The following TNFRSF10B variants were observed in gnomAD, a reference collection of about 807,000 sequenced individuals.
TNFRSF10B encodes the protein tumor necrosis factor receptor superfamily member 10B.
A neutral mutation model predicts 41.4 loss-of-function variants in TNFRSF10B; 35 were observed. The observed-to-expected ratio is 0.85, with a 90% CI of 0.65 to 1.12. TNFRSF10B has a LOEUF of 1.12. Among genes scored for constraint, TNFRSF10B ranks in the 50% most tolerant of loss-of-function variants. The pLI, the probability that TNFRSF10B is intolerant of heterozygous loss-of-function variation, is 0.00. For missense variants in TNFRSF10B, 584 were observed against 552.7 expected, an observed-to-expected ratio of 1.06 and a Z score of -0.57; for synonymous variants, 230 against 215.5, an observed-to-expected ratio of 1.07 and a Z score of -0.59.
At chr8:23,048,589 G>A (rs1199313418) in intron 1 of TNFRSF10B, among the ~76,000 whole-genome samples, 1 of 152,132 alleles carries the variant, frequency 6.6e-6, no homozygotes. Flanking sequence ...CTGTTGCACA[G>A]TGCAATGAAT....
intron 1 of TNFRSF10B, among the ~76,000 whole-genome samples, chr8:23,067,942 C>T (rs1337961908): frequency 6.6e-6 from 1 of 152,210 alleles, no homozygotes; most frequent in East Asian, 1.9e-4. Flanking sequence ...CAGTTCCAGG[C>T]GCTGAGCACA....
Position 23,024,190 on chromosome 8 carries a change from T to G in TNFRSF10B, c.1007A>C (p.Glu336Ala), listed in dbSNP as rs768805737. The change falls in exon 8 of 9, where the codon GAG becomes GCG. Residue 336 changes from glutamate to alanine, a missense_variant and splice_region_variant. Physicochemically the swap from Glu to Ala is moderately radical, Grantham distance 107. Coordinates refer to ENST00000276431, the MANE Select transcript of TNFRSF10B (RefSeq NM_003842.5). ...ATCTCCAGGAGCAAAACACTTACTC[T>G]CAGTGGGATCACCTTCATTTGCTGG... ...LVPANEGDPT[E>A]TLRQCFDDFA... 5.6e-6 allele frequency: 9 copies of G among 1,613,996 alleles called. No individual in the cohort carries two copies. The highest frequency in any genetic ancestry group is 7.6e-6 in the Non-Finnish European group (9 of 1,180,004).
chr8:23,041,080 A>T (rs534152361), intron 2 of TNFRSF10B, among the ~76,000 whole-genome samples: 1 of 149,370 alleles, frequency 6.7e-6, no homozygotes, highest in Non-Finnish European at 1.5e-5. Flanking sequence ...TTTTTTTGAG[A>T]CAGGGTCTCA....
rs750966790 is a variant in TNFRSF10B, at chr8:23,020,161, G to A, written c.*2510C>T. The A allele has an allele frequency of 2.9e-5, 12 of 408,964 alleles. No individual in the cohort carries two copies. The highest frequency in any genetic ancestry group is 2.8e-5 in the Admixed American group (1 of 35,528). The allele number at this position is 408,964 out of a possible 1,614,324, so 25.3% of individuals were successfully genotyped here. ...TTATATAAGGTTTCATATTTAATTTGGTCATGGATTCATAAATACATAAGT... is the reference window on the plus strand; with the variant it reads ...TTATATAAGGTTTCATATTTAATTTAGTCATGGATTCATAAATACATAAGT... On this transcript the variant is annotated 3_prime_UTR_variant, in exon 9 of 9. Coordinates refer to ENST00000276431, the MANE Select transcript of TNFRSF10B (RefSeq NM_003842.5).
intron 1 of TNFRSF10B, among the ~76,000 whole-genome samples, chr8:23,043,698 A>G (rs1445279717): frequency 6.6e-6 from 1 of 152,254 alleles, no homozygotes; most frequent in Non-Finnish European, 1.5e-5. Flanking sequence ...ATTGGGATAC[A>G]GGATCAAACA....
At chr8:23,036,125 G>T (rs1812023887) in intron 2 of TNFRSF10B, among the ~76,000 whole-genome samples, 1 of 152,186 alleles carries the variant, frequency 6.6e-6, no homozygotes, top group African/African-American at 2.4e-5. Flanking sequence ...CTCTTGGCTT[G>T]TTTCTGGGCC....
At chr8:23,047,536 C>T in intron 1 of TNFRSF10B, among the ~76,000 whole-genome samples, 1 of 151,048 alleles carries the variant, frequency 6.6e-6, no homozygotes, top group South Asian at 2.1e-4. Flanking sequence ...ACAAAATGGG[C>T]AAGGGACCTG....
intron 1 of TNFRSF10B, among the ~76,000 whole-genome samples, chr8:23,066,235 A>G (rs1812975550): frequency 6.6e-6 from 1 of 152,210 alleles, no homozygotes; most frequent in Non-Finnish European, 1.5e-5. Flanking sequence ...GTGAACTCTG[A>G]CTGTGCCACT....
rs558587861 is a variant in TNFRSF10B at position 23,068,988 on chromosome 8, A to T, written c.-94T>A. 5.7e-5 allele frequency: 91 copies of T among 1,596,602 alleles called. 2 individuals carry two copies. The East Asian group carries it at 2.0e-3, about 36-fold the overall frequency. ...GTCGGTGTATTTTGTGGGCGCAGAGATTGCGGGGTTCTCCGGCCGCGTGCT... is the reference window on the plus strand; with the variant it reads ...GTCGGTGTATTTTGTGGGCGCAGAGTTTGCGGGGTTCTCCGGCCGCGTGCT... On this transcript the variant is annotated 5_prime_UTR_variant, in exon 1 of 9. Coordinates refer to ENST00000276431, the MANE Select transcript of TNFRSF10B (RefSeq NM_003842.5).
At chr8:23,054,918 C>T (rs1396259973) in intron 1 of TNFRSF10B, among the ~76,000 whole-genome samples, 3 of 152,006 alleles carry the variant, frequency 2.0e-5, no homozygotes, top group Non-Finnish European at 4.4e-5. Flanking sequence ...GTAATTAGGC[C>T]AAGTATAATA....
At chr8:23,030,398 G>A (rs889356190) in intron 3 of TNFRSF10B, among the ~76,000 whole-genome samples, 10 of 151,990 alleles carry the variant, frequency 6.6e-5, no homozygotes, top group African/African-American at 9.7e-5. Context: ...CTGCAACCTC[G>A]GCCTCCTGGG....
chr8:23,047,191 C>G (rs112325235), intron 1 of TNFRSF10B, among the ~76,000 whole-genome samples: 10,028 of 152,038 alleles, frequency 0.066, 567 homozygotes, highest in African/African-American at 0.16. Context: ...AACCCCATCT[C>G]TACTAAAAAT....
chr8:23,035,601 G>T (rs913365286), intron 2 of TNFRSF10B, among the ~76,000 whole-genome samples: 1 of 152,144 alleles, frequency 6.6e-6, no homozygotes. Flanking sequence ...AAATAAATCT[G>T]ACAAAATTTC....
At chr8:23,031,825 T>C (rs983238363) in intron 2 of TNFRSF10B, among the ~76,000 whole-genome samples, 5 of 152,116 alleles carry the variant, frequency 3.3e-5, no homozygotes, top group African/African-American at 9.7e-5. Context: ...ACATAAAACA[T>C]TGAGATATTT....
chr8:23,059,681 G>T (rs934846999), intron 1 of TNFRSF10B, among the ~76,000 whole-genome samples: 1 of 81,086 alleles, frequency 1.2e-5, no homozygotes, highest in African/African-American at 5.9e-5. Flanking sequence ...TAATTTTTTT[G>T]TATTTTTTTT....
rs1811504581 is a variant in TNFRSF10B, at chr8:23,021,095, C to G, written c.*1576G>C. 1 of 453,958 alleles carries G rather than the reference C, an allele frequency of 2.2e-6. No individual in the cohort carries two copies. The highest frequency in any genetic ancestry group is 1.6e-5 in the South Asian group (1 of 64,474). The allele number at this position is 453,958 out of a possible 1,614,324, so 28.1% of individuals were successfully genotyped here. On this transcript the variant is annotated 3_prime_UTR_variant, in exon 9 of 9. Coordinates refer to ENST00000276431, the MANE Select transcript of TNFRSF10B (RefSeq NM_003842.5). ...CTTGAGACAGAAAAGACCAAAAACT[C>G]CTGGAATGACTACCTGCATAAATGA...
chr8:23,039,537 T>A (rs898035559), intron 2 of TNFRSF10B, among the ~76,000 whole-genome samples: 2 of 151,986 alleles, frequency 1.3e-5, no homozygotes, highest in Non-Finnish European at 2.9e-5. Flanking sequence ...TCTGCTTGAC[T>A]CAAAGCCCAC....
Position 23,058,491 on chromosome 8 carries a change from C to A in TNFRSF10B, c.144+10260G>T, listed in dbSNP as rs960154187. The stretch of plus-strand genomic sequence containing the variant: ...GAATCCCATTTTAATTGTGTATTGG[C>A]TTTTTTTTTTTCAGATGGATTTTCA... On this transcript the variant is annotated intron_variant, in intron 1 of 8. Coordinates refer to ENST00000276431, the MANE Select transcript of TNFRSF10B (RefSeq NM_003842.5). 1.2e-4 allele frequency among the ~76,000 whole-genome samples: 18 copies of A among 145,464 alleles called. No individual in the cohort carries two copies. In the East Asian group the frequency reaches 3.6e-3, roughly 29 times the overall value.
Position 23,023,458 on chromosome 8 carries a change from T to G in TNFRSF10B, c.1010-474A>C, listed in dbSNP as rs1811605275. Among the ~76,000 whole-genome samples the G allele has an allele frequency of 5.3e-5, 8 of 151,852 alleles. No individual in the cohort carries two copies. In the South Asian group the frequency reaches 1.7e-3, roughly 31 times the overall value. Reference sequence around the variant, plus strand: ...TTTCACCCAGCTCGGCCTCACTTCCTGGGGCTGGGGCAGAGCTAGGTGGAG... The same window carrying G: ...TTTCACCCAGCTCGGCCTCACTTCCGGGGGCTGGGGCAGAGCTAGGTGGAG... On this transcript the variant is annotated intron_variant, in intron 8 of 8. Coordinates refer to ENST00000276431, the MANE Select transcript of TNFRSF10B (RefSeq NM_003842.5).
Sources: gnomAD v4.1 joint callset for allele counts (sites outside exome capture counted in the v4.1 genomes callset) on GRCh38, gnomAD v4.1.1 for gene constraint, MANE v1.5 for transcripts, NCBI Gene and HGNC (gene_info 2026-07-23, HGNC 2026-07-21) for gene names.